C1orf94: variants seen among roughly 807,000 people sequenced by gnomAD.
C1orf94 encodes the protein chromosome 1 open reading frame 94.
In C1orf94, 45 loss-of-function variants were observed where a neutral mutation model predicts 53.6. The observed-to-expected ratio is 0.84, with a 90% confidence interval of 0.66 to 1.08. The LOEUF is 1.08. Ranked by LOEUF, C1orf94 falls within the 50% of genes least tolerant of loss-of-function variation. The pLI is 0.00. For missense variants in C1orf94, 762 were observed against 738.9 expected, an observed-to-expected ratio of 1.03 and a Z score of -0.36; for synonymous variants, 304 against 296.1, an observed-to-expected ratio of 1.03 and a Z score of -0.27.
Position 34,169,877 on chromosome 1 carries a change from T to C in C1orf94, c.-251+2706T>C, listed in dbSNP as rs546194319. Among the ~76,000 whole-genome samples the C allele has an allele frequency of 3.3e-5, 5 of 152,332 alleles. No homozygotes were observed. The South Asian group carries it at 1.0e-3, about 32-fold the overall frequency. On this transcript the variant is annotated intron_variant, in intron 1 of 6. Transcript: ENST00000373374. ...AAGGAGTGGCGACAGAGGGGCTTCATGAGGAAAAAGCCCAGACCACACCAA... is the reference window on the plus strand; with the variant it reads ...AAGGAGTGGCGACAGAGGGGCTTCACGAGGAAAAAGCCCAGACCACACCAA...
At position 34,212,502 on chromosome 1, in the gene C1orf94, T is replaced by G. The variant is rs187395523; in HGVS notation, c.1721+96T>G. The G allele has an allele frequency of 4.6e-3, 5,737 of 1,259,444 alleles. 12 individuals are homozygous for G. The highest frequency in any genetic ancestry group is 5.5e-3 in the Non-Finnish European group (5,082 of 917,648). 78.0% of individuals were successfully genotyped at this position (1,259,444 alleles called of 1,614,324 possible). On this transcript the variant is annotated intron_variant, in intron 6 of 6. Coordinates refer to ENST00000488417, the MANE Select transcript of C1orf94 (RefSeq NM_001134734.2). ...CTTACCAGCGCTTTCTTAGTATGTG[T>G]GTTCCATGGCTGTGGGGTGGGATGG...
In C1orf94 at chr1:34,200,801, A is replaced by C. The variant is rs199644127; in HGVS notation, c.1039A>C (p.Lys347Gln). ...GAGCCCTGGCACCAAGGAGCCAAAA[A>C]AGGGTCAAGGGAGCCTCTTTCTCAG... ...EWSPGTKEPK[K>Q]GQGSLFLSQW... Residue 347 changes from lysine (K) to glutamine (Q), a missense_variant, in exon 3 of 7, where the codon AAG becomes CAG. Coordinates refer to ENST00000488417, the MANE Select transcript of C1orf94 (RefSeq NM_001134734.2). The C allele has an allele frequency of 4.3e-6, 7 of 1,614,142 alleles. No individual in the cohort carries two copies. The East Asian group carries it at 1.6e-4, about 36-fold the overall frequency.
upstream of C1orf94, among the ~76,000 whole-genome samples, chr1:34,176,687 G>C (rs1642230564): frequency 6.6e-6 from 1 of 152,172 alleles, no homozygotes; most frequent in Non-Finnish European, 1.5e-5. Flanking sequence ...TGAGCCCAGC[G>C]CTTGGCACAG....
At chr1:34,200,055 T>C (rs1293688515) in intron 2 of C1orf94, among the ~76,000 whole-genome samples, 1 of 152,240 alleles carries the variant, frequency 6.6e-6, no homozygotes, top group South Asian at 2.1e-4. Context: ...TTTCTTGTTA[T>C]GAGCTCCTGC....
chr1:34,208,023 C>T, intron 4 of C1orf94, 134 bp from the exon 5 acceptor site: 1 of 818,138 alleles, frequency 1.2e-6, no homozygotes, highest in Non-Finnish European at 2.0e-6. Flanking sequence ...TCCAGCTGGC[C>T]TCAGACAGCC....
intron 5 of C1orf94, among the ~76,000 whole-genome samples, chr1:34,209,285 A>C (rs1642851549): frequency 2.1e-5 from 3 of 143,624 alleles, no homozygotes; most frequent in African/African-American, 7.7e-5. Flanking sequence ...GAGAAATGCA[A>C]ACACACACAC....
chr1:34,209,050 T>C (rs1216675994), intron 5 of C1orf94, among the ~76,000 whole-genome samples: 1 of 152,220 alleles, frequency 6.6e-6, no homozygotes, highest in Non-Finnish European at 1.5e-5. Context: ...GATATACTTA[T>C]GCTAAAAATA....
intron 1 of C1orf94, among the ~76,000 whole-genome samples, chr1:34,194,769 C>A (rs1042502539): frequency 6.6e-6 from 1 of 152,172 alleles, no homozygotes; most frequent in Non-Finnish European, 1.5e-5. Context: ...GGCATAACCA[C>A]AATACCATTA....
At chr1:34,202,349 G>A (rs1043994876) in intron 4 of C1orf94, 90 bp downstream of exon 4, 19 of 1,389,830 alleles carry the variant, frequency 1.4e-5, no homozygotes, top group Admixed American at 2.1e-5. Flanking sequence ...ATTTCACAGA[G>A]TCTTTAGACT....
In C1orf94 at chr1:34,197,735, CCCTGGA is replaced by C. The variant is rs1642617541; in HGVS notation, c.834_839del (p.Gly279_Pro280del). On this transcript the variant is annotated inframe_deletion, in exon 2 of 7. Coordinates refer to ENST00000488417, the MANE Select transcript of C1orf94 (RefSeq NM_001134734.2). The surrounding 1 kb of genome is among the most constrained non-coding windows in gnomAD (Gnocchi z 4.1). ...TCCTACAGGACAACCTGTTCAGTGG[CCCTGGA>C]CCCAAGGAGCCCACAGGGCTGAGCC... 1.2e-6 allele frequency: 2 copies of C among 1,614,156 alleles called. No individual in the cohort carries two copies. The highest frequency in any genetic ancestry group is 1.3e-5 in the African/African-American group (1 of 75,032).
intron 1 of C1orf94, among the ~76,000 whole-genome samples, chr1:34,183,015 C>G (rs892734225): frequency 6.6e-6 from 1 of 152,192 alleles, no homozygotes; most frequent in African/African-American, 2.4e-5. Context: ...AGCCTGAGTT[C>G]CATGTCTGAG....
chr1:34,169,620 AGAGAGAGAGAGAGAGT>A (rs1466743673), intron 1 of C1orf94, among the ~76,000 whole-genome samples: 9 of 95,110 alleles, frequency 9.5e-5, no homozygotes, highest in Admixed American at 2.1e-4. Flanking sequence ...AGAGAGAGAG[AGAGAGAGAGAGAGAGT>A]GAGCAAATGG....
chr1:34,208,523 A>G (rs1351907762), intron 5 of C1orf94, among the ~76,000 whole-genome samples: 1 of 152,252 alleles, frequency 6.6e-6, no homozygotes, highest in Non-Finnish European at 1.5e-5. Context: ...GGTAGGTTAT[A>G]GATGAGGAAA....
At chr1:34,210,715 C>A (rs955104381) in intron 5 of C1orf94, among the ~76,000 whole-genome samples, 15 of 151,622 alleles carry the variant, frequency 9.9e-5, no homozygotes, top group African/African-American at 3.6e-4. Context: ...AGTGCAGTGG[C>A]ACAATCTTGG....
chr1:34,214,887 G>A (rs915161503), intron 6 of C1orf94, among the ~76,000 whole-genome samples: 5 of 152,244 alleles, frequency 3.3e-5, no homozygotes, highest in South Asian at 2.1e-4. Context: ...CCATGAGGTC[G>A]GAAAAATAAT....
intron 1 of C1orf94, among the ~76,000 whole-genome samples, chr1:34,184,783 G>A (rs989484916): frequency 4.6e-5 from 7 of 151,998 alleles, no homozygotes; most frequent in African/African-American, 1.5e-4. Flanking sequence ...AGGTGAACCC[G>A]ACTTCTCTGG....
intron 6 of C1orf94, 33 bp downstream of exon 6, chr1:34,212,439 T>G (rs76642169): frequency 0.013 from 20,656 of 1,576,302 alleles, 179 homozygotes; most frequent in South Asian, 0.034. Flanking sequence ...CCTAAGGGTA[T>G]CCAGAAAGCT....
At chr1:34,208,637 CG>C (rs1005875580) in intron 5 of C1orf94, among the ~76,000 whole-genome samples, 5 of 152,132 alleles carry the variant, frequency 3.3e-5, no homozygotes, top group African/African-American at 9.7e-5. Context: ...CGCCACATCT[CG>C]GGGACTTTCA....
intron 1 of C1orf94, among the ~76,000 whole-genome samples, chr1:34,179,806 G>T (rs898008728): frequency 2.0e-5 from 3 of 152,178 alleles, no homozygotes; most frequent in African/African-American, 7.2e-5. Flanking sequence ...ATACCTCAAG[G>T]TGCTTCAGGG....
Sources: allele counts gnomAD v4.1 joint callset (sites outside exome capture counted in the v4.1 genomes callset), GRCh38; gene constraint gnomAD v4.1.1; non-coding constraint Gnocchi (gnomAD v3.1); transcripts MANE v1.5; gene names NCBI Gene and HGNC (gene_info 2026-07-23, HGNC 2026-07-21).